Variants in NFYC observed in about 807,000 individuals in gnomAD.
NFYC encodes the protein nuclear transcription factor Y subunit gamma.
A neutral mutation model predicts 53.1 loss-of-function variants in NFYC; 25 were observed. That is an observed-to-expected ratio of 0.47 (90% confidence interval 0.34 to 0.66). The LOEUF (loss-of-function observed/expected upper bound fraction) is 0.66, where lower values mean the gene tolerates loss of function less well. Among genes scored for constraint, NFYC ranks in the 30% least tolerant of loss-of-function variants. The pLI is 0.01. For missense variants in NFYC, 260 were observed against 422.7 expected (o/e 0.62, Z 3.38); for synonymous variants, 145 against 152.6 (o/e 0.95, Z 0.37).
In NFYC at chr1:40,770,869, T is replaced by A. The variant is rs1462738765; in HGVS notation, c.*41T>A. 1.3e-6 allele frequency: 2 copies of A among 1,597,540 alleles called. No homozygotes were observed. Among genetic ancestry groups the A allele is most frequent in the Non-Finnish European group, 1.7e-6 (2 of 1,176,988 alleles). On this transcript the variant is annotated 3_prime_UTR_variant, in exon 10 of 10. Transcript: ENST00000447388. This position sits in a 1 kb window ranked among gnomAD's most constrained non-coding sequence, Gnocchi z 5.3. ...AGGCCAAGGACACCCAACACAATTT[T>A]TGCCATACAGCCCCAGGCAATGGGC...
At chr1:40,737,775 G>A (rs1190677533) in intron 1 of NFYC, among the ~76,000 whole-genome samples, 1 of 152,144 alleles carries the variant, frequency 6.6e-6, no homozygotes, top group East Asian at 1.9e-4. Flanking sequence ...TACCTACACA[G>A]TTAATGGCCT....
intron 1 of NFYC, among the ~76,000 whole-genome samples, chr1:40,704,563 A>G (rs1250713230): frequency 6.6e-6 from 1 of 152,166 alleles, no homozygotes; most frequent in African/African-American, 2.4e-5. Flanking sequence ...ATTCAAGAAT[A>G]ATTTGGGTTC....
intron 2 of NFYC, among the ~76,000 whole-genome samples, chr1:40,745,457 T>C (rs1645562853): frequency 6.6e-6 from 1 of 152,222 alleles, no homozygotes; most frequent in Non-Finnish European, 1.5e-5. Flanking sequence ...GTGGTTGATT[T>C]CTGGGATTAA....
chr1:40,708,426 G>A (rs955861633), intron 1 of NFYC, among the ~76,000 whole-genome samples: 1 of 152,170 alleles, frequency 6.6e-6, no homozygotes, highest in Non-Finnish European at 1.5e-5. Context: ...TGAGAGGGTT[G>A]GCTGGGGAGT....
intron 2 of NFYC, among the ~76,000 whole-genome samples, chr1:40,742,001 T>C (rs1001181255): frequency 6.6e-6 from 1 of 152,048 alleles, no homozygotes; most frequent in Non-Finnish European, 1.5e-5. Flanking sequence ...ACTCTTGGGC[T>C]CAAGGGACCC....
chr1:40,736,910 T>C (rs574198615), intron 1 of NFYC, among the ~76,000 whole-genome samples: 19 of 150,540 alleles, frequency 1.3e-4, no homozygotes, highest in African/African-American at 4.6e-4. Flanking sequence ...GTGGATCATC[T>C]GAGGTCAGGA....
chr1:40,693,321 A>G (rs909547761), intron 1 of NFYC, among the ~76,000 whole-genome samples: 6 of 152,198 alleles, frequency 3.9e-5, no homozygotes, highest in African/African-American at 1.4e-4. Context: ...AATCGTAGTT[A>G]CTTGTATTGC....
chr1:40,722,621 A>C (rs949230479), intron 1 of NFYC, among the ~76,000 whole-genome samples: 3 of 152,180 alleles, frequency 2.0e-5, no homozygotes, highest in Non-Finnish European at 4.4e-5. Flanking sequence ...ATTTGTATGA[A>C]GCTTGCTATT....
chr1:40,737,686 G>T (rs1191084255), intron 1 of NFYC, among the ~76,000 whole-genome samples: 1 of 151,912 alleles, frequency 6.6e-6, no homozygotes, highest in Non-Finnish European at 1.5e-5. Flanking sequence ...GCTGTGTTAG[G>T]CTTGTGTTTA....
At chr1:40,742,375 C>T (rs1434790856) in intron 2 of NFYC, among the ~76,000 whole-genome samples, 1 of 152,144 alleles carries the variant, frequency 6.6e-6, no homozygotes, top group Admixed American at 6.5e-5. Flanking sequence ...CTTCAAGACC[C>T]TGGGCTTTGA....
chr1:40,752,981 G>C (rs1392386855), intron 4 of NFYC, among the ~76,000 whole-genome samples, 170 bp from the exon 5 acceptor site: 1 of 152,014 alleles, frequency 6.6e-6, no homozygotes, highest in East Asian at 1.9e-4. Context: ...TTGCCCACCA[G>C]GTCTGATCAT....
At chr1:40,757,867 T>C (rs1391864144) in intron 5 of NFYC, 11 of 560,694 alleles carry the variant, frequency 2.0e-5, no homozygotes, top group East Asian at 6.1e-5. Context: ...TTGCAACTTA[T>C]CATGCAATGG....
intron 2 of NFYC, among the ~76,000 whole-genome samples, chr1:40,744,802 G>C (rs1359679302): frequency 1.3e-5 from 2 of 152,210 alleles, no homozygotes; most frequent in Non-Finnish European, 2.9e-5. Flanking sequence ...ATGGTAGCTA[G>C]TGAAGTGGGG....
At chr1:40,693,269 C>G (rs983154716) in intron 1 of NFYC, among the ~76,000 whole-genome samples, 1 of 152,050 alleles carries the variant, frequency 6.6e-6, no homozygotes, top group Non-Finnish European at 1.5e-5. Flanking sequence ...CAGAGTCGTT[C>G]CAGTCAACTT....
chr1:40,735,513 G>A lies in NFYC; in HGVS notation c.-8-3323G>A, dbSNP rs903381247. 1.8e-5 allele frequency: 15 copies of A among 847,470 alleles called. No homozygotes were observed. The African/African-American group carries it at 2.2e-4, about 12-fold the overall frequency. 52.5% of individuals were successfully genotyped at this position (847,470 alleles called of 1,614,324 possible). On this transcript the variant is annotated intron_variant, in intron 1 of 9. Transcript: ENST00000447388. ...GCAGACTGCACAGATGGTTCTAGAC[G>A]TGCTTTTTGAATTGTGTACCTTTGT...
At chr1:40,747,464 A>C in intron 2 of NFYC, 70 bp from the exon 3 acceptor site, 1 of 1,046,764 alleles carries the variant, frequency 9.6e-7, no homozygotes, top group Admixed American at 1.8e-5. Context: ...AGTGTTTCCT[A>C]CTGCCTGTCA....
intron 1 of NFYC, among the ~76,000 whole-genome samples, chr1:40,721,916 A>G (rs1050361373): frequency 9.2e-5 from 14 of 152,014 alleles, no homozygotes; most frequent in African/African-American, 3.4e-4. Flanking sequence ...CATGCCTGTA[A>G]TCCCAGCACT....
intron 1 of NFYC, among the ~76,000 whole-genome samples, chr1:40,704,228 C>T (rs2744797): frequency 0.12 from 18,664 of 151,992 alleles, 1,261 homozygotes; most frequent in African/African-American, 0.15. Flanking sequence ...CCCGCCACCA[C>T]GCCCGGCTAA....
At chr1:40,750,544 C>A (rs1038779233) in intron 4 of NFYC, among the ~76,000 whole-genome samples, 5 of 152,036 alleles carry the variant, frequency 3.3e-5, no homozygotes, top group African/African-American at 4.8e-5. Flanking sequence ...CTTGTCAATG[C>A]GTCATAAAGT....
Sources: gnomAD v4.1 joint callset for allele counts (sites outside exome capture counted in the v4.1 genomes callset) on GRCh38, gnomAD v4.1.1 for gene constraint, Gnocchi (gnomAD v3.1) non-coding constraint, MANE v1.5 for transcripts, NCBI Gene and HGNC (gene_info 2026-07-23, HGNC 2026-07-21) for gene names.